TIMM50: variants seen among roughly 807,000 people sequenced by gnomAD.
The protein encoded by TIMM50 is mitochondrial import inner membrane translocase subunit TIM50.
A neutral mutation model predicts 49.6 loss-of-function variants in TIMM50; 34 were observed. The observed-to-expected ratio is 0.69, with a 90% CI of 0.52 to 0.91. TIMM50 has a LOEUF of 0.91. TIMM50 is among the 40% of genes least tolerant of loss of function. The probability of loss-of-function intolerance (pLI) is 0.00; values close to 1 mark genes in which losing one functional copy is unlikely to be tolerated. For synonymous variants in TIMM50, 199 were observed against 198.4 expected (o/e 1.00, Z -0.03); for missense variants, 458 against 477.8 (o/e 0.96, Z 0.39).
rs770680837 is a variant in TIMM50, at chr19:39,480,912, G to A, written c.59G>A (p.Arg20Gln). Residue 20 changes from arginine (R) to glutamine (Q), a missense_variant, in exon 1 of 11, where the codon CGG becomes CAG. Transcript: ENST00000607714. ...CGAAGCGGGCTCCGGCTCGGCTCGC[G>A]GGGACTGTGCACGAGGTTGGCGACG... ...RLRSGLRLGS[R>Q]GLCTRLATPP... 16 of 1,591,354 alleles carry A rather than the reference G, an allele frequency of 1.0e-5. No homozygotes were observed. Among genetic ancestry groups the A allele is most frequent in the Non-Finnish European group, 1.4e-5 (16 of 1,175,400 alleles).
chr19:39,480,868 A>G lies in TIMM50; in HGVS notation c.15A>G (p.Ala5=), dbSNP rs1199585571. ...GTCAGCGCAAGATGGCGGCCTCGGC[A>G]GCGGTGTTCTCGCGCTTGCGAAGCG... MAAS[A]AVFSRLRSGL... Residue 5 remains alanine, a synonymous_variant, in exon 1 of 11, where the codon GCA becomes GCG. Coordinates refer to ENST00000607714, the MANE Select transcript of TIMM50 (RefSeq NM_001001563.5). The G allele has an allele frequency of 1.3e-6, 2 of 1,599,734 alleles. No homozygotes were observed. The highest frequency in any genetic ancestry group is 1.3e-5 in the African/African-American group (1 of 74,866).
Position 39,492,091 on chromosome 19 carries a change from T to G in TIMM50, c.*2271T>G, listed in dbSNP as rs1027885108. The G allele has an allele frequency of 6.6e-6, 1 of 152,166 alleles. No individual in the cohort carries two copies. The highest frequency in any genetic ancestry group is 1.5e-5 in the Non-Finnish European group (1 of 68,040). 9.4% of individuals were successfully genotyped at this position (152,166 alleles called of 1,614,324 possible). A position where few individuals can be genotyped will look rare whatever the true frequency, so the allele number is the denominator to read the frequency against. On this transcript the variant is annotated 3_prime_UTR_variant, in exon 11 of 11. Coordinates refer to ENST00000607714, the MANE Select transcript of TIMM50 (RefSeq NM_001001563.5). Reference sequence around the variant, plus strand: ...TGTATTAAGAGTATGAGTCCCAGATTGTGTAAGTTCAAATCCAAGCTCTAC... The same window carrying G: ...TGTATTAAGAGTATGAGTCCCAGATGGTGTAAGTTCAAATCCAAGCTCTAC...
chr19:39,488,536 C>T lies in TIMM50; in HGVS notation c.854-3C>T, dbSNP rs768399918. 1 of 1,612,340 alleles carries T rather than the reference C, an allele frequency of 6.2e-7. No individual in the cohort carries two copies. The highest frequency in any genetic ancestry group is 1.1e-5 in the South Asian group (1 of 91,010). On this transcript the variant is annotated splice_region_variant and splice_polypyrimidine_tract_variant and intron_variant, in intron 9 of 10. Transcript: ENST00000607714. ...GGCTGACCACCCCCTGTTGTGCCCA[C>T]AGCCATTGCACTGAATGGTGTGGAG...
chr19:39,483,579 T>C (rs962853271), intron 4 of TIMM50: 1 of 182,916 alleles, frequency 5.5e-6, no homozygotes, highest in African/African-American at 2.4e-5. Context: ...GTGAAGTAGA[T>C]GACAAATTGG....
chr19:39,481,769 G>A (rs1600736677), intron 1 of TIMM50, 114 bp from the exon 2 acceptor site: 1 of 1,338,010 alleles, frequency 7.5e-7, no homozygotes, highest in Non-Finnish European at 1.0e-6. Context: ...AGATGTCCAG[G>A]GCTCTGTGGG....
intron 4 of TIMM50, chr19:39,483,490 C>T (rs973335589): frequency 5.2e-5 from 17 of 328,842 alleles, no homozygotes; most frequent in African/African-American, 6.4e-5. Context: ...CCATCCCCCT[C>T]GAGCCCCTAC....
rs1045758120 is a variant in TIMM50, at chr19:39,489,982, G to C, written c.*162G>C. On this transcript the variant is annotated 3_prime_UTR_variant, in exon 11 of 11. Transcript: ENST00000607714. ...CATCAGGGTGAGGTCCGGGACTCTT[G>C]GGTCATCGTCCCACAGTGGCTGATC... 7 of 682,708 alleles carry C rather than the reference G, an allele frequency of 1.0e-5. No homozygotes were observed. In the African/African-American group the frequency reaches 1.3e-4, roughly 12 times the overall value. The allele number at this position is 682,708 out of a possible 1,614,324, so 42.3% of individuals were successfully genotyped here. A position where few individuals can be genotyped will look rare whatever the true frequency, so the allele number is the denominator to read the frequency against.
rs566166549 is a variant in TIMM50, at chr19:39,487,735, G to T, written c.697-326G>T. On this transcript the variant is annotated intron_variant, in intron 8 of 10. Coordinates refer to ENST00000607714, the MANE Select transcript of TIMM50 (RefSeq NM_001001563.5). Reference sequence around the variant, plus strand: ...TGGCCTCCCAAAATTCTGGGAGTACGGTCGTGAGCCACCGCACCCGGCCAT... The same window carrying T: ...TGGCCTCCCAAAATTCTGGGAGTACTGTCGTGAGCCACCGCACCCGGCCAT... Among the ~76,000 whole-genome samples the T allele has an allele frequency of 5.9e-5, 9 of 152,138 alleles. No homozygotes were observed. The South Asian group carries it at 1.9e-3, about 32-fold the overall frequency.
Position 39,492,106 on chromosome 19 carries a change from C to G in TIMM50, c.*2286C>G, listed in dbSNP as rs2079549342. The G allele has an allele frequency of 1.3e-5, 2 of 152,118 alleles. No individual in the cohort carries two copies. Among genetic ancestry groups the G allele is most frequent in the African/African-American group, 4.8e-5 (2 of 41,420 alleles). 9.4% of individuals were successfully genotyped at this position (152,118 alleles called of 1,614,324 possible). ...AGTCCCAGATTGTGTAAGTTCAAAT[C>G]CAAGCTCTACCACTTCTCGGCTGGC... is the stretch of plus-strand genomic sequence containing the variant. On this transcript the variant is annotated 3_prime_UTR_variant, in exon 11 of 11. Transcript: ENST00000607714.
At chr19:39,481,016 G>C (rs2079467427) in intron 1 of TIMM50, 55 bp downstream of exon 1, 2 of 1,503,406 alleles carry the variant, frequency 1.3e-6, no homozygotes, top group African/African-American at 2.8e-5. Flanking sequence ...TGGAGTTACG[G>C]ACATATCGCC....
intron 8 of TIMM50, among the ~76,000 whole-genome samples, chr19:39,487,472 T>C (rs183961405): frequency 6.6e-6 from 1 of 152,076 alleles, no homozygotes; most frequent in African/African-American, 2.4e-5. Context: ...TTTATTTTTT[T>C]TGTGAGACGG....
In TIMM50 at chr19:39,485,822, A is replaced by C; in HGVS notation, c.492+15A>C. ...CTGAGTGGTCGGTGTGTCCCGGGAAACCCAGTGGGTTGGGGATAGACCTGG... is the reference window on the plus strand; with the variant it reads ...CTGAGTGGTCGGTGTGTCCCGGGAACCCCAGTGGGTTGGGGATAGACCTGG... On this transcript the variant is annotated intron_variant, in intron 6 of 10. Transcript: ENST00000607714. The C allele has an allele frequency of 6.2e-7, 1 of 1,613,894 alleles. No homozygotes were observed.
chr19:39,483,956 C>G (rs2079488669), intron 4 of TIMM50, among the ~76,000 whole-genome samples: 1 of 152,106 alleles, frequency 6.6e-6, no homozygotes, highest in African/African-American at 2.4e-5. Context: ...TGGGTTCAAG[C>G]ATTTCTCGTG....
At position 39,485,592 on chromosome 19, in the gene TIMM50, A is replaced by T. The variant is rs143636898; in HGVS notation, c.362A>T (p.Asp121Val). The T allele has an allele frequency of 4.3e-4, 696 of 1,614,082 alleles. 12 individuals carry two copies. In the South Asian group the frequency reaches 5.9e-3, roughly 14 times the overall value. The change falls in exon 5 of 11, where the codon GAT (aspartate) becomes GTT (valine). Residue 121 changes from aspartate to valine, a missense_variant. Transcript: ENST00000607714. The stretch of plus-strand genomic sequence containing the variant: ...CGCCGGACATACAAATATTTCAAAG[A>T]TTATAGACAGGTGAGCAGAAGCCCT... ...QLRRTYKYFK[D>V]YRQMIIEPTS...
chr19:39,481,619 G>A (rs1600736573), intron 1 of TIMM50, among the ~76,000 whole-genome samples: 1 of 152,148 alleles, frequency 6.6e-6, no homozygotes, highest in Admixed American at 6.6e-5. Flanking sequence ...TTTCTGGGCT[G>A]CAGACCCTCC....
Position 39,489,939 on chromosome 19 carries a change from A to T in TIMM50, c.*119A>T. On this transcript the variant is annotated 3_prime_UTR_variant, in exon 11 of 11. Transcript: ENST00000607714. ...CAGACGCCACACCTGCTGTGTCCCGAGAGTCTCCAGATGGGGGCATCAGGG... is the reference window on the plus strand; with the variant it reads ...CAGACGCCACACCTGCTGTGTCCCGTGAGTCTCCAGATGGGGGCATCAGGG... 1 of 961,474 alleles carries T rather than the reference A, an allele frequency of 1.0e-6. No individual in the cohort carries two copies. Among genetic ancestry groups the T allele is most frequent in the South Asian group, 1.5e-5 (1 of 67,168 alleles). The allele number at this position is 961,474 out of a possible 1,614,324, so 59.6% of individuals were successfully genotyped here.
chr19:39,486,918 G>C (rs965210298), intron 8 of TIMM50, among the ~76,000 whole-genome samples: 1 of 152,162 alleles, frequency 6.6e-6, no homozygotes, highest in South Asian at 2.1e-4. Flanking sequence ...GGCCTCTGTG[G>C]GTCTGGCTCC....
At chr19:39,481,397 T>G (rs2079470561) in intron 1 of TIMM50, 1 of 249,930 alleles carries the variant, frequency 4.0e-6, no homozygotes, top group Non-Finnish European at 7.7e-6. Context: ...CTATCACTTC[T>G]GTGCCTTAGT....
rs2144738479 is a variant in TIMM50 at position 39,488,323 on chromosome 19, G to A, written c.853+106G>A. 2.9e-6 allele frequency: 4 copies of A among 1,376,890 alleles called. No individual in the cohort carries two copies. The South Asian group carries it at 4.1e-5, about 14-fold the overall frequency. 85.3% of individuals were successfully genotyped at this position (1,376,890 alleles called of 1,614,324 possible). ...GCTGGGCGACTGAGGTGCAAGAGGT[G>A]CCTGAGCACCTTGGAGTCTTTAGGA... On this transcript the variant is annotated intron_variant, in intron 9 of 10. Coordinates refer to ENST00000607714, the MANE Select transcript of TIMM50 (RefSeq NM_001001563.5).
Sources: gnomAD v4.1 joint callset for allele counts (sites outside exome capture counted in the v4.1 genomes callset) on GRCh38, gnomAD v4.1.1 for gene constraint, MANE v1.5 for transcripts, NCBI Gene and HGNC (gene_info 2026-07-23, HGNC 2026-07-21) for gene names.